HYDIN: variants seen among roughly 807,000 people sequenced by gnomAD.
HYDIN encodes the protein HYDIN axonemal central pair apparatus protein.
Under a neutral mutation model 403.9 loss-of-function variants are expected in HYDIN, and 132 were observed. The observed-to-expected ratio is 0.33, with a 90% confidence interval of 0.28 to 0.38. HYDIN has a LOEUF of 0.38. Ranked by LOEUF, HYDIN falls within the 10% of genes least tolerant of loss-of-function variation. The pLI is 1.00. For synonymous variants in HYDIN, 1,202 were observed against 1,891.7 expected, an observed-to-expected ratio of 0.64 and a Z score of 9.46; for missense variants, 2,827 against 5,009.5, an observed-to-expected ratio of 0.56 and a Z score of 13.15.
intron 45 of HYDIN, among the ~76,000 whole-genome samples, chr16:70,931,558 G>A (rs1383439307): frequency 1.3e-5 from 2 of 151,450 alleles, no homozygotes; most frequent in Non-Finnish European, 2.9e-5. Context: ...CTACGGAATC[G>A]GAACCTCTCT....
At chr16:70,953,346 CG>C (rs1201613340) in intron 40 of HYDIN, among the ~76,000 whole-genome samples, 2 of 152,214 alleles carry the variant, frequency 1.3e-5, no homozygotes, top group East Asian at 3.8e-4. Context: ...TACATGGGGT[CG>C]GGGCAGACAA....
chr16:70,979,569 C>A (rs115521170), intron 29 of HYDIN, among the ~76,000 whole-genome samples: 2 of 152,226 alleles, frequency 1.3e-5, no homozygotes, highest in African/African-American at 4.8e-5. Flanking sequence ...AGATTCCCAC[C>A]CGAATTTACC....
intron 62 of HYDIN, among the ~76,000 whole-genome samples, chr16:70,875,366 G>A (rs2040384360): frequency 6.6e-6 from 1 of 152,112 alleles, no homozygotes; most frequent in African/African-American, 2.4e-5. Flanking sequence ...ATAGTGTCAT[G>A]TTGAGCATCC....
intron 45 of HYDIN, among the ~76,000 whole-genome samples, chr16:70,925,455 C>G (rs1473893417): frequency 2.0e-5 from 3 of 152,188 alleles, no homozygotes; most frequent in Non-Finnish European, 4.4e-5. Context: ...ATACAAAAAT[C>G]AATTCAAGAT....
chr16:71,098,715 T>C (rs2083361574), intron 10 of HYDIN, among the ~76,000 whole-genome samples: 1 of 148,298 alleles, frequency 6.7e-6, no homozygotes, highest in South Asian at 2.1e-4. Context: ...CTCCATCTGT[T>C]ACCTTGACTG....
intron 45 of HYDIN, among the ~76,000 whole-genome samples, chr16:70,926,170 A>G (rs941721847): frequency 6.8e-6 from 1 of 146,688 alleles, no homozygotes; most frequent in African/African-American, 2.5e-5. Context: ...ATGTATGTTT[A>G]TTGCGGCACT....
At chr16:71,141,316 GAATA>G (rs1196431477) in intron 7 of HYDIN, among the ~76,000 whole-genome samples, 2 of 149,072 alleles carry the variant, frequency 1.3e-5, no homozygotes, top group African/African-American at 2.5e-5. Flanking sequence ...TCTTATATCA[GAATA>G]AATGTCAAGT....
intron 75 of HYDIN, among the ~76,000 whole-genome samples, chr16:70,847,523 G>T (rs1308762628): frequency 1.3e-5 from 2 of 151,734 alleles, no homozygotes; most frequent in African/African-American, 2.4e-5. Context: ...AGAGTGTCCT[G>T]GTTTATCCTT....
intron 20 of HYDIN, chr16:71,027,312 T>G: frequency 7.6e-7 from 1 of 1,319,888 alleles, no homozygotes; most frequent in South Asian, 1.6e-5. Context: ...TTGCTTTGGC[T>G]AAAAACTGGG....
At chr16:71,158,775 G>A (rs1381570874) in intron 6 of HYDIN, among the ~76,000 whole-genome samples, 1 of 148,708 alleles carries the variant, frequency 6.7e-6, no homozygotes, top group Admixed American at 6.8e-5. Flanking sequence ...TCGAGCTCCT[G>A]GGCTCAACCA....
At chr16:71,084,787 CTT>C (rs146903022) in intron 12 of HYDIN, among the ~76,000 whole-genome samples, 6 of 127,844 alleles carry the variant, frequency 4.7e-5, no homozygotes, top group Admixed American at 3.4e-4. Context: ...TAGTTTGTTA[CTT>C]TTTTTTTTTA....
intron 3 of HYDIN, among the ~76,000 whole-genome samples, chr16:71,182,715 T>C (rs989095219): frequency 6.6e-6 from 1 of 152,126 alleles, no homozygotes; most frequent in Non-Finnish European, 1.5e-5. Flanking sequence ...GGATAGACAG[T>C]GGCAGGAGAT....
At chr16:71,191,632 C>T (rs2087442823) in intron 1 of HYDIN, among the ~76,000 whole-genome samples, 2 of 152,166 alleles carry the variant, frequency 1.3e-5, no homozygotes, top group Non-Finnish European at 2.9e-5. Context: ...GTGTCTGCAG[C>T]CTCTGCTGGG....
intron 4 of HYDIN, 133 bp downstream of exon 4, chr16:71,178,795 A>C (rs1457869513): frequency 7.8e-6 from 6 of 764,582 alleles, no homozygotes; most frequent in Non-Finnish European, 1.2e-5. Context: ...ACAATCAAAG[A>C]AGATGTTTTC....
intron 55 of HYDIN, among the ~76,000 whole-genome samples, chr16:70,892,774 C>A (rs1013766026): frequency 5.9e-5 from 9 of 152,192 alleles, no homozygotes; most frequent in Non-Finnish European, 1.0e-4. Context: ...GAGGCCATTG[C>A]AGGAGATCTC....
intron 1 of HYDIN, among the ~76,000 whole-genome samples, chr16:71,221,087 A>T (rs182888990): frequency 6.6e-6 from 1 of 152,222 alleles, no homozygotes; most frequent in Non-Finnish European, 1.5e-5. Flanking sequence ...TAGGGCTTCC[A>T]GGAAAGGTCA....
At chr16:70,813,337 G>A (rs1354650613) in intron 84 of HYDIN, among the ~76,000 whole-genome samples, 1 of 151,544 alleles carries the variant, frequency 6.6e-6, no homozygotes, top group Non-Finnish European at 1.5e-5. Flanking sequence ...GCAGCTCTAG[G>A]GAGAGGCCCG....
At position 71,186,797 on chromosome 16, in the gene HYDIN, A is replaced by G. The variant is rs141589259; in HGVS notation, c.99T>C (p.Ser33=). 147 of 1,613,290 alleles carry G rather than the reference A, an allele frequency of 9.1e-5. No individual in the cohort carries two copies. The highest frequency in any genetic ancestry group is 1.2e-4 in the Non-Finnish European group (144 of 1,179,572). Reference sequence around the variant, plus strand: ...CTTCTTCTTCTGTAACCACCTTTGGACTCAGGGGTGGCAAAACCTTGCTTT... The same window carrying G: ...CTTCTTCTTCTGTAACCACCTTTGGGCTCAGGGGTGGCAAAACCTTGCTTT... ...GFQSKVLPPL[S]PKVVTEEEVN... Residue 33 remains serine (S), a synonymous_variant, in exon 2 of 86, where the codon AGT becomes AGC. Transcript: ENST00000393567.
Position 70,837,834 on chromosome 16 carries a change from A to G in HYDIN, c.13098T>C (p.Asp4366=). The change falls in exon 77 of 86, where the codon GAT becomes GAC. Residue 4366 remains aspartate, a synonymous_variant. Coordinates refer to ENST00000393567, the MANE Select transcript of HYDIN (RefSeq NM_001270974.2). ...CCAATGTGTTTCCTGGCTTTACCAC[A>G]TCAACACGGGAGTTCACCTCGAGGT... ...TTHLEVNSRV[D]VVKPGNTLEI... 1 of 1,613,996 alleles carries G rather than the reference A, an allele frequency of 6.2e-7. No homozygotes were observed. The highest frequency in any genetic ancestry group is 8.5e-7 in the Non-Finnish European group (1 of 1,179,854).
Sources: allele counts gnomAD v4.1 joint callset (sites outside exome capture counted in the v4.1 genomes callset), GRCh38; gene constraint gnomAD v4.1.1; transcripts MANE v1.5; gene names NCBI Gene and HGNC (gene_info 2026-07-23, HGNC 2026-07-21).